DZIP3: variants seen among roughly 807,000 people sequenced by gnomAD.
DZIP3 encodes the protein E3 ubiquitin-protein ligase DZIP3.
In DZIP3, 118 loss-of-function variants were observed where a neutral mutation model predicts 162.0. The observed-to-expected ratio is 0.73, with a 90% confidence interval of 0.63 to 0.85. The LOEUF (loss-of-function observed/expected upper bound fraction) is 0.85, where lower values mean the gene tolerates loss of function less well. DZIP3 is among the 40% of genes least tolerant of loss of function. The pLI is 0.00. For missense variants in DZIP3, 1,331 were observed against 1,407.0 expected, an observed-to-expected ratio of 0.95 and a Z score of 0.86; for synonymous variants, 438 against 458.6, an observed-to-expected ratio of 0.96 and a Z score of 0.57.
At chr3:108,621,162 G>A (rs952598464) in intron 5 of DZIP3, among the ~76,000 whole-genome samples, 1 of 152,138 alleles carries the variant, frequency 6.6e-6, no homozygotes, top group Admixed American at 6.5e-5. Flanking sequence ...ATACTTCAGT[G>A]TTCGTTATAT....
chr3:108,675,872 G>T lies in DZIP3; in HGVS notation c.2780G>T (p.Arg927Met). 6.2e-7 allele frequency: 1 copy of T among 1,608,812 alleles called. No individual in the cohort carries two copies. Among genetic ancestry groups the T allele is most frequent in the South Asian group, 1.1e-5 (1 of 90,506 alleles). The change falls in exon 25 of 33, where the codon AGG (arginine) becomes ATG (methionine). Residue 927 changes from arginine (R) to methionine (M), a missense_variant and splice_region_variant. Coordinates refer to ENST00000361582, the MANE Select transcript of DZIP3 (RefSeq NM_014648.4). ...GTTAGAAACAAGATTGCATTCCTCA[G>T]GGTAAGTCCTGAAGTATATTTGGAG... ...ADVRNKIAFL[R>M]TQYNEQINKV... is the part of the protein sequence containing the mutation.
Position 108,692,399 on chromosome 3 carries a change from A to T in DZIP3, c.*7-961A>T, listed in dbSNP as rs143772970. Among the ~76,000 whole-genome samples the T allele has an allele frequency of 3.3e-5, 5 of 152,246 alleles. No individual in the cohort carries two copies. In the East Asian group the frequency reaches 9.7e-4, roughly 29 times the overall value. On this transcript the variant is annotated intron_variant, in intron 32 of 32. Coordinates refer to ENST00000361582, the MANE Select transcript of DZIP3 (RefSeq NM_014648.4). ...ACAGCAAATGTACTCAGGCTTCTAC[A>T]CTAACATAAGCCCACGGAAATGAAA...
At chr3:108,602,070 G>A (rs1314836748) in intron 1 of DZIP3, among the ~76,000 whole-genome samples, 1 of 152,114 alleles carries the variant, frequency 6.6e-6, no homozygotes, top group Non-Finnish European at 1.5e-5. Context: ...GATCTAGACT[G>A]AACCCTTGGT....
chr3:108,633,253 G>T (rs1015625391), intron 9 of DZIP3, among the ~76,000 whole-genome samples, 181 bp downstream of exon 9: 4 of 151,780 alleles, frequency 2.6e-5, no homozygotes, highest in Non-Finnish European at 4.4e-5. Flanking sequence ...GAGTGATCAG[G>T]AACTATTTAT....
At chr3:108,658,862 C>A (rs2107279008) in intron 19 of DZIP3, among the ~76,000 whole-genome samples, 1 of 152,174 alleles carries the variant, frequency 6.6e-6, no homozygotes, top group Middle Eastern at 3.4e-3. Context: ...ACTATAAACA[C>A]CTCTACGCAA....
Position 108,633,084 on chromosome 3 carries a change from G to A in DZIP3, c.816+12G>A, listed in dbSNP as rs1941962362. 3 of 1,343,608 alleles carry A rather than the reference G, an allele frequency of 2.2e-6. No individual in the cohort carries two copies. The highest frequency in any genetic ancestry group is 4.7e-5 in the South Asian group (2 of 42,448). The allele number at this position is 1,343,608 out of a possible 1,614,324, so 83.2% of individuals were successfully genotyped here. A position where few individuals can be genotyped will look rare whatever the true frequency, so the allele number is the denominator to read the frequency against. ...ACACCAGTTATAAGGTACTGTAATT[G>A]TCAATTAACAGTATTTTTAAAAAGT... is the stretch of plus-strand genomic sequence containing the variant. On this transcript the variant is annotated intron_variant, in intron 9 of 32. Coordinates refer to ENST00000361582, the MANE Select transcript of DZIP3 (RefSeq NM_014648.4).
In DZIP3 at chr3:108,605,385, T is replaced by C. The variant is rs1940284888; in HGVS notation, c.-22T>C. On this transcript the variant is annotated 5_prime_UTR_variant, in exon 2 of 33. Coordinates refer to ENST00000361582, the MANE Select transcript of DZIP3 (RefSeq NM_014648.4). ...GTTGGCAAGCAGTGGAATAAGATTT[T>C]TGTAAAGAAACCTTGTGCAGCATGG... is the stretch of plus-strand genomic sequence containing the variant. The C allele has an allele frequency of 2.5e-6, 4 of 1,613,418 alleles. No homozygotes were observed. The African/African-American group carries it at 5.3e-5, about 22-fold the overall frequency.
chr3:108,597,697 A>G (rs1439397834), intron 1 of DZIP3, among the ~76,000 whole-genome samples: 4 of 152,198 alleles, frequency 2.6e-5, no homozygotes, highest in African/African-American at 4.8e-5. Context: ...TCCAGAGTAC[A>G]GTATGCACAC....
chr3:108,643,311 A>G (rs1942478860), intron 13 of DZIP3, among the ~76,000 whole-genome samples: 1 of 152,142 alleles, frequency 6.6e-6, no homozygotes. Flanking sequence ...AAAATACCAA[A>G]TAGTTCAGTT....
At chr3:108,643,013 G>A (rs1942467279) in intron 13 of DZIP3, among the ~76,000 whole-genome samples, 1 of 152,160 alleles carries the variant, frequency 6.6e-6, no homozygotes, top group East Asian at 1.9e-4. Context: ...AGAATAGTTT[G>A]GTGGCAGTCC....
chr3:108,669,824 T>C lies in DZIP3; in HGVS notation c.2492+75T>C, dbSNP rs555774471. 14 of 1,193,560 alleles carry C rather than the reference T, an allele frequency of 1.2e-5. No individual in the cohort carries two copies. In the South Asian group the frequency reaches 1.7e-4, roughly 14 times the overall value. 73.9% of individuals were successfully genotyped at this position (1,193,560 alleles called of 1,614,324 possible). On this transcript the variant is annotated intron_variant, in intron 22 of 32. Transcript: ENST00000361582. ...CACTCAACACTTTCTGGCTGGCATA[T>C]TGATGTAATTTATCATTCAAACCGG...
At chr3:108,634,184 C>G (rs1942031649) in intron 9 of DZIP3, among the ~76,000 whole-genome samples, 1 of 152,014 alleles carries the variant, frequency 6.6e-6, no homozygotes, top group Non-Finnish European at 1.5e-5. Flanking sequence ...AAAAGTGAGC[C>G]TGGTGAGATG....
chr3:108,609,027 G>T lies in DZIP3; in HGVS notation c.102+869G>T, dbSNP rs1177905181. Among the ~76,000 whole-genome samples, 3 of 152,254 alleles carry T rather than the reference G, an allele frequency of 2.0e-5. No homozygotes were observed. In the East Asian group the frequency reaches 5.8e-4, roughly 29 times the overall value. On this transcript the variant is annotated intron_variant, in intron 3 of 32. Transcript: ENST00000361582. ...GGCGGCAGGAGAGAAAGAGACCAAA[G>T]GGGAAGGTGCCACACACTTTTAAAC...
chr3:108,622,880 C>CTCTCTCTCTGTGTGTGTGTGTG (rs796232998), intron 5 of DZIP3, among the ~76,000 whole-genome samples: 1 of 53,082 alleles, frequency 1.9e-5, no homozygotes, highest in African/African-American at 7.8e-5. Context: ...CTCTCTCTCT[C>CTCTCTCTCTGTGTGTGTGTGTG]TGTGTGTGTG....
In DZIP3 at chr3:108,644,501, T is replaced by C; in HGVS notation, c.1479T>C (p.Ser493=). 6.2e-7 allele frequency: 1 copy of C among 1,614,132 alleles called. No individual in the cohort carries two copies. Among genetic ancestry groups the C allele is most frequent in the Non-Finnish European group, 8.5e-7 (1 of 1,179,992 alleles). The change falls in exon 14 of 33, where the codon TCT becomes TCC. Residue 493 remains serine (S), a synonymous_variant. Transcript: ENST00000361582. ...PKKGWNMEPP[S]SDISKSADIL... is the part of the protein sequence containing the mutation. ...AAGGATGGAATATGGAACCGCCATC[T>C]TCTGACATCTCTAAATCTGCAGACA...
chr3:108,685,500 A>G (rs908510207), intron 27 of DZIP3, among the ~76,000 whole-genome samples: 2 of 152,206 alleles, frequency 1.3e-5, no homozygotes, highest in African/African-American at 4.8e-5. Flanking sequence ...GCAAGTGGTC[A>G]TAATTATCTT....
chr3:108,623,749 T>A (rs1349442101), intron 5 of DZIP3, among the ~76,000 whole-genome samples: 1 of 152,186 alleles, frequency 6.6e-6, no homozygotes, highest in East Asian at 1.9e-4. Context: ...GACTGCCTTT[T>A]ATGTAGGACC....
At chr3:108,687,024 A>T (rs1944524275) in intron 28 of DZIP3, among the ~76,000 whole-genome samples, 1 of 152,162 alleles carries the variant, frequency 6.6e-6, no homozygotes, top group Non-Finnish European at 1.5e-5. Context: ...AGAACACACT[A>T]AAAATGCAAG....
rs776265283 is a variant in DZIP3 at position 108,687,995 on chromosome 3, T to C, written c.3169T>C (p.Leu1057=). ...TTGCAGAAAGGAACTTACAGATTTC[T>C]TACGGAAATTGAAGGATGCTTATGG... ...QQTRKELTDF[L]RKLKDAYGKS... is the part of the protein sequence containing the mutation. Residue 1057 remains leucine (L), a synonymous_variant, in exon 29 of 33, where the codon TTA becomes CTA. Coordinates refer to ENST00000361582, the MANE Select transcript of DZIP3 (RefSeq NM_014648.4). The C allele has an allele frequency of 2.5e-6, 4 of 1,613,538 alleles. No homozygotes were observed. Among genetic ancestry groups the C allele is most frequent in the Non-Finnish European group, 2.5e-6 (3 of 1,179,808 alleles).
Sources: gnomAD v4.1 joint callset for allele counts (sites outside exome capture counted in the v4.1 genomes callset) on GRCh38, gnomAD v4.1.1 for gene constraint, MANE v1.5 for transcripts, NCBI Gene and HGNC (gene_info 2026-07-23, HGNC 2026-07-21) for gene names.